The following GLUL variants were observed in gnomAD, a reference collection of about 807,000 sequenced individuals.
GLUL encodes glutamate-ammonia ligase, also known as glutamine synthetase.
Under a neutral mutation model 36.9 loss-of-function variants are expected in GLUL, and 8 were observed. The ratio of observed to expected loss-of-function variants is 0.22; its 90% confidence interval spans 0.13 to 0.39. The LOEUF is 0.39. Among genes scored for constraint, GLUL ranks in the 10% least tolerant of loss-of-function variants. GLUL has a pLI of 1.00. For synonymous variants in GLUL, 182 were observed against 172.8 expected, an observed-to-expected ratio of 1.05 and a Z score of -0.42; for missense variants, 315 against 501.8, an observed-to-expected ratio of 0.63 and a Z score of 3.56.
At chr1:182,389,636 G>C (rs1286634402) in intron 1 of GLUL, 2 of 152,178 alleles carry the variant, frequency 1.3e-5, no homozygotes, top group Non-Finnish European at 2.9e-5. Context: ...ATAACTGCCA[G>C]CCACTACCAC....
rs749348480 is a variant in GLUL at position 182,379,495 on chromosome 1, T to G, written c.*4910A>C. Among the ~76,000 whole-genome samples the G allele has an allele frequency of 6.6e-6, 1 of 152,148 alleles. No homozygotes were observed. ...GCCTTGGCCTCCCAAAGTGCTAGGATTACAGGCTTGAGCCACCACACCCAG... is the reference window on the plus strand; with the variant it reads ...GCCTTGGCCTCCCAAAGTGCTAGGAGTACAGGCTTGAGCCACCACACCCAG... On this transcript the variant is annotated 3_prime_UTR_variant, in exon 7 of 7. Transcript: ENST00000331872.
Position 182,380,033 on chromosome 1 carries a change from A to G in GLUL, c.*4372T>C, listed in dbSNP as rs143925168. Among the ~76,000 whole-genome samples the G allele has an allele frequency of 3.0e-3, 450 of 151,836 alleles. 2 individuals carry two copies. Among genetic ancestry groups the G allele is most frequent in the African/African-American group, 9.6e-3 (399 of 41,370 alleles). On this transcript the variant is annotated 3_prime_UTR_variant, in exon 7 of 7. Coordinates refer to ENST00000331872, the MANE Select transcript of GLUL (RefSeq NM_001033044.4). The stretch of plus-strand genomic sequence containing the variant: ...CTAATTTTTTGTATTTAGTAGAGAC[A>G]CAGCTTGTTTCACCATATTGGCCCG...
At chr1:182,391,433 C>T in intron 1 of GLUL, 1 of 388,096 alleles carries the variant, frequency 2.6e-6, no homozygotes, top group Non-Finnish European at 4.5e-6. Flanking sequence ...ACTCACCCCG[C>T]CCTTCCCAGA....
At chr1:182,391,034 T>A (rs4075940) in intron 1 of GLUL, 7 of 397,754 alleles carry the variant, frequency 1.8e-5, no homozygotes, top group Admixed American at 8.8e-5. Context: ...GCGCAGGCCG[T>A]AGGGACTGCG....
chr1:182,390,598 G>T, intron 1 of GLUL: 1 of 399,252 alleles, frequency 2.5e-6, no homozygotes, highest in Non-Finnish European at 4.4e-6. Context: ...ACTCTAGCTG[G>T]TCCAAGCACC....
rs1649865632 is a variant in GLUL at position 182,379,851 on chromosome 1, T to TC, written c.*4553_*4554insG. On this transcript the variant is annotated 3_prime_UTR_variant, in exon 7 of 7. Transcript: ENST00000331872. ...ATGCCCAGCCTCAGTTACAACTTTT[T>TC]TTTTTTTTTTGAGATGGAGTTTCCC... 6.7e-6 allele frequency among the ~76,000 whole-genome samples: 1 copy of TC among 149,952 alleles called. No homozygotes were observed. The highest frequency in any genetic ancestry group is 1.5e-5 in the Non-Finnish European group (1 of 67,492).
chr1:182,390,229 C>CAAA (rs201924233), intron 1 of GLUL: 4 of 266,426 alleles, frequency 1.5e-5, no homozygotes, highest in African/African-American at 6.8e-5. Context: ...TGTCGGAAAA[C>CAAA]AAAAAAAAAA....
chr1:182,391,753 C>G lies in GLUL; in HGVS notation c.-88G>C, dbSNP rs1348621185. On this transcript the variant is annotated 5_prime_UTR_variant, in exon 1 of 7. Transcript: ENST00000331872. The stretch of plus-strand genomic sequence containing the variant: ...TAGGAGAGGAGAGGAGGCCGCAGTA[C>G]TGCTCACACGCTCCGCTCTTCTCCC... 1.3e-5 allele frequency: 2 copies of G among 152,560 alleles called. No individual in the cohort carries two copies. Among genetic ancestry groups the G allele is most frequent in the African/African-American group, 4.8e-5 (2 of 41,478 alleles). 9.5% of individuals were successfully genotyped at this position (152,560 alleles called of 1,614,324 possible).
intron 4 of GLUL, 23 bp from the exon 5 acceptor site, chr1:182,385,910 C>G (rs762609090): frequency 2.5e-6 from 4 of 1,612,234 alleles, no homozygotes; most frequent in East Asian, 4.5e-5. Flanking sequence ...CAGGACAAAA[C>G]ACTAAGAGTC....
chr1:182,391,601 A>G, intron 1 of GLUL, 78 bp downstream of exon 1: 1 of 180,498 alleles, frequency 5.5e-6, no homozygotes, highest in Non-Finnish European at 1.1e-5. Flanking sequence ...CCGAAAAAAG[A>G]GGCTGGGCGG....
In GLUL at chr1:182,383,013, A is replaced by T. The variant is rs1558153860; in HGVS notation, c.*1392T>A. The T allele has an allele frequency of 6.6e-6, 1 of 152,202 alleles. No homozygotes were observed. Among genetic ancestry groups the T allele is most frequent in the African/African-American group, 2.4e-5 (1 of 41,460 alleles). The allele number at this position is 152,202 out of a possible 1,614,324, so 9.4% of individuals were successfully genotyped here. A position where few individuals can be genotyped will look rare whatever the true frequency, so the allele number is the denominator to read the frequency against. On this transcript the variant is annotated 3_prime_UTR_variant, in exon 7 of 7. Coordinates refer to ENST00000331872, the MANE Select transcript of GLUL (RefSeq NM_001033044.4). Reference sequence around the variant, plus strand: ...CAATTAGAAGTTGTCATGGCAAAAGAAAACCACAGCTGGCCTGCCACAGCC... The same window carrying T: ...CAATTAGAAGTTGTCATGGCAAAAGTAAACCACAGCTGGCCTGCCACAGCC...
chr1:182,388,844 G>A, intron 1 of GLUL, 94 bp from the exon 2 acceptor site: 1 of 922,664 alleles, frequency 1.1e-6, no homozygotes. Flanking sequence ...TCAAAAGTCA[G>A]AGTGTAAGTG....
Position 182,384,648 on chromosome 1 carries a change from G to A in GLUL, c.879C>T (p.Gly293=). The A allele has an allele frequency of 6.2e-7, 1 of 1,614,044 alleles. No homozygotes were observed. The highest frequency in any genetic ancestry group is 8.5e-7 in the Non-Finnish European group (1 of 1,179,936). The change falls in exon 7 of 7, where the codon GGC becomes GGT. Residue 293 remains glycine, a synonymous_variant. Coordinates refer to ENST00000331872, the MANE Select transcript of GLUL (RefSeq NM_001033044.4). ...CAGTTAGACGTCGGGCATTGTCCAG[G>A]CCTCCCTTGGGATCATAGGCACGGA... ...YHIRAYDPKG[G]LDNARRLTGF... is the part of the protein sequence containing the mutation.
At position 182,379,530 on chromosome 1, in the gene GLUL, C is replaced by A. The variant is rs1649850894; in HGVS notation, c.*4875G>T. 6.6e-6 allele frequency among the ~76,000 whole-genome samples: 1 copy of A among 151,830 alleles called. No individual in the cohort carries two copies. The highest frequency in any genetic ancestry group is 2.4e-5 in the African/African-American group (1 of 41,322). The stretch of plus-strand genomic sequence containing the variant: ...GAGCCACCACACCCAGCCTAAACTG[C>A]CAGTTTACATCAGTTATAATTTTTT... On this transcript the variant is annotated 3_prime_UTR_variant, in exon 7 of 7. Transcript: ENST00000331872.
At chr1:182,388,440 T>C in intron 2 of GLUL, 132 bp downstream of exon 2, 1 of 792,200 alleles carries the variant, frequency 1.3e-6, no homozygotes, top group Non-Finnish European at 2.2e-6. Context: ...GAATAAAGTC[T>C]GAAAAGCCCT....
chr1:182,378,271 CAA>C lies in GLUL; in HGVS notation c.*6132_*6133del, dbSNP rs1032893749. On this transcript the variant is annotated 3_prime_UTR_variant, in exon 7 of 7. Transcript: ENST00000331872. ...GCAGGTAACTCAATCTGAAATCCAT[CAA>C]AAAGAGGACAACTTGCTCAGGTACA... Among the ~76,000 whole-genome samples, 10 of 152,222 alleles carry C rather than the reference CAA, an allele frequency of 6.6e-5. No individual in the cohort carries two copies. Among genetic ancestry groups the C allele is most frequent in the African/African-American group, 2.4e-4 (10 of 41,544 alleles).
In GLUL at chr1:182,385,758, AC is replaced by A; in HGVS notation, c.603+1del. 1 of 1,614,070 alleles carries A rather than the reference AC, an allele frequency of 6.2e-7. No homozygotes were observed. Among genetic ancestry groups the A allele is most frequent in the Non-Finnish European group, 8.5e-7 (1 of 1,180,008 alleles). On this transcript the variant is annotated splice_donor_variant, in intron 5 of 6. Coordinates refer to ENST00000331872, the MANE Select transcript of GLUL (RefSeq NM_001033044.4). LOFTEE classifies it high-confidence loss of function. ...TCATTGATGGATTGGAGCTATACTT[AC>A]CTGGGCAGGCATGACCTCGGCATTA...
At position 182,385,392 on chromosome 1, in the gene GLUL, G is replaced by A. The variant is rs6684136; in HGVS notation, c.768C>T (p.Phe256=). 9.7e-4 allele frequency: 1,564 copies of A among 1,613,838 alleles called. 16 individuals carry two copies. In the African/African-American group the frequency reaches 0.019, roughly 20 times the overall value. The change falls in exon 6 of 7, where the codon TTC becomes TTT. Residue 256 remains phenylalanine (F), a synonymous_variant. Transcript: ENST00000331872. ...TCTCCTCCCGCATGGCCTTGGTGCT[G>A]AAGTTGGTATGGCAGCCTGCACCAT... ...NWNGAGCHTN[F]STKAMREENG...
Position 182,386,320 on chromosome 1 carries a change from A to G in GLUL, c.411T>C (p.Tyr137=), listed in dbSNP as rs761427626. ...QHPWFGMEQE[Y]TLMGTDGHPF... is the part of the protein sequence containing the mutation. ...GGTGCCCATCTGTCCCCATGAGGGT[A>G]TACTCCTGCTCCATGCCAAACCAGG... The change falls in exon 4 of 7, where the codon TAT becomes TAC. Residue 137 remains tyrosine, a synonymous_variant. Coordinates refer to ENST00000331872, the MANE Select transcript of GLUL (RefSeq NM_001033044.4). 1 of 1,613,022 alleles carries G rather than the reference A, an allele frequency of 6.2e-7. No homozygotes were observed. The highest frequency in any genetic ancestry group is 8.5e-7 in the Non-Finnish European group (1 of 1,178,970).
Sources: gnomAD v4.1 joint callset for allele counts (sites outside exome capture counted in the v4.1 genomes callset) on GRCh38, gnomAD v4.1.1 for gene constraint, MANE v1.5 for transcripts, NCBI Gene and HGNC (gene_info 2026-07-23, HGNC 2026-07-21) for gene names.